The following NOC3L variants were observed in gnomAD, a reference collection of about 807,000 sequenced individuals.
NOC3L encodes nucleolar complex protein 3 homolog.
Under a neutral mutation model 102.5 loss-of-function variants are expected in NOC3L, and 85 were observed. The observed-to-expected ratio is 0.83, with a 90% confidence interval of 0.70 to 0.99. The LOEUF (loss-of-function observed/expected upper bound fraction) is 0.99. Ranked by LOEUF, NOC3L falls within the 50% of genes least tolerant of loss-of-function variation. The probability of loss-of-function intolerance (pLI) is 0.00; values close to 1 mark genes in which losing one functional copy is unlikely to be tolerated. For missense variants in NOC3L, 878 were observed against 914.9 expected (o/e 0.96, Z 0.52); for synonymous variants, 303 against 309.4 (o/e 0.98, Z 0.22).
intron 11 of NOC3L, among the ~76,000 whole-genome samples, chr10:94,346,006 T>C (rs547763616): frequency 1.1e-4 from 16 of 152,300 alleles, no homozygotes; most frequent in African/African-American, 3.8e-4. Context: ...TTCCAAAGTT[T>C]CAGTAAATAA....
At chr10:94,318,442 CCCTCAA>C in the NOC3L span, among the ~76,000 whole-genome samples, 1 of 152,162 alleles carries the variant, frequency 6.6e-6, no homozygotes, top group Non-Finnish European at 1.5e-5. Flanking sequence ...GCGTTGAAAG[CCCTCAA>C]ACACTATGTT....
the NOC3L span, among the ~76,000 whole-genome samples, chr10:94,323,525 G>C: frequency 6.6e-6 from 1 of 152,176 alleles, no homozygotes; most frequent in Non-Finnish European, 1.5e-5. Context: ...GTTGGCTCCA[G>C]CAAAACACTA....
intron 12 of NOC3L, 115 bp from the exon 13 acceptor site, chr10:94,344,630 A>C (rs1332665502): frequency 2.1e-5 from 15 of 729,328 alleles, no homozygotes; most frequent in Middle Eastern, 3.3e-4. Context: ...CCTCCCCACA[A>C]TGCAATCTTT....
chr10:94,351,388 A>G (rs1037537863), intron 8 of NOC3L, among the ~76,000 whole-genome samples: 1 of 152,196 alleles, frequency 6.6e-6, no homozygotes, highest in African/African-American at 2.4e-5. Context: ...CCTAGGCAAC[A>G]ACTGTCTTCC....
chr10:94,327,927 AT>A, the NOC3L span: 1 of 518,750 alleles, frequency 1.9e-6, no homozygotes, highest in Non-Finnish European at 4.0e-6. Context: ...CTGTTTCTTC[AT>A]TTTCAGTATA....
At chr10:94,321,748 A>G in the NOC3L span, among the ~76,000 whole-genome samples, 1 of 152,212 alleles carries the variant, frequency 6.6e-6, no homozygotes, top group South Asian at 2.1e-4. Flanking sequence ...ATATCCTTTT[A>G]GAACAGTTTA....
chr10:94,325,888 C>A, the NOC3L span, among the ~76,000 whole-genome samples: 2 of 151,938 alleles, frequency 1.3e-5, no homozygotes, highest in African/African-American at 4.8e-5. Context: ...TCTCCTTCTG[C>A]CTCAATTAAA....
At chr10:94,346,342 G>T (rs574593499) in intron 11 of NOC3L, 83 bp downstream of exon 11, 1 of 1,050,570 alleles carries the variant, frequency 9.5e-7, no homozygotes, top group Non-Finnish European at 1.3e-6. Flanking sequence ...ATTTAACTAT[G>T]ATTTTTACAT....
intron 14 of NOC3L, among the ~76,000 whole-genome samples, chr10:94,340,887 A>G (rs931211039): frequency 2.0e-5 from 3 of 151,624 alleles, no homozygotes; most frequent in African/African-American, 7.3e-5. Context: ...AGGCTGAGGC[A>G]GGAGAATGGT....
chr10:94,319,864 C>CTTTTTTTTTTTTTTTTTTTTTTTTT, the NOC3L span, among the ~76,000 whole-genome samples: 6 of 92,938 alleles, frequency 6.5e-5, no homozygotes, highest in African/African-American at 1.1e-4. Flanking sequence ...CAAAGGTGCT[C>CTTTTTTTTTTTTTTTTTTTTTTTTT]TTTTTTTTTT....
chr10:94,336,762 C>A (rs2054223195), intron 19 of NOC3L, among the ~76,000 whole-genome samples: 1 of 151,620 alleles, frequency 6.6e-6, no homozygotes, highest in African/African-American at 2.4e-5. Flanking sequence ...TATTTCCTGT[C>A]TGTATTTAAA....
the NOC3L span, chr10:94,325,450 C>A: frequency 7.4e-6 from 2 of 268,704 alleles, no homozygotes; most frequent in Non-Finnish European, 1.4e-5. Context: ...ACAAAATTAG[C>A]TGGGCATGGT....
At chr10:94,356,664 G>GC in intron 4 of NOC3L, 73 bp from the exon 5 acceptor site, 1 of 896,204 alleles carries the variant, frequency 1.1e-6, no homozygotes, top group South Asian at 1.4e-5. Context: ...AATGCTAGGA[G>GC]GTGATTACGA....
At chr10:94,319,862 C>CTT in the NOC3L span, among the ~76,000 whole-genome samples, 2 of 86,198 alleles carry the variant, frequency 2.3e-5, no homozygotes, top group Non-Finnish European at 5.2e-5. Flanking sequence ...CTCAAAGGTG[C>CTT]TCTTTTTTTT....
In NOC3L at chr10:94,336,027, T is replaced by C. The variant is rs183573833; in HGVS notation, c.2190-1309A>G. The stretch of plus-strand genomic sequence containing the variant: ...ATTTATGCCTACTAGTGTTCCATTA[T>C]CAGAACACTAAGCTTGTAGGAGTTA... On this transcript the variant is annotated intron_variant, in intron 19 of 20. Coordinates refer to ENST00000371361, the MANE Select transcript of NOC3L (RefSeq NM_022451.11). Among the ~76,000 whole-genome samples, 584 of 152,288 alleles carry C rather than the reference T, an allele frequency of 3.8e-3. 2 individuals are homozygous for C. Among genetic ancestry groups the C allele is most frequent in the African/African-American group, 0.013 (555 of 41,568 alleles).
chr10:94,334,256 A>G lies in NOC3L; in HGVS notation c.2324T>C (p.Leu775Pro). ...DSFLNEDLNQ[L>P]IKRYSSEVAT... ...AACTTCACTGGAGTATCTTTTGATTAGCTGATTTAAATCTTCATTCAAAAA... is the reference window on the plus strand; with the variant it reads ...AACTTCACTGGAGTATCTTTTGATTGGCTGATTTAAATCTTCATTCAAAAA... The change falls in exon 21 of 21, where the codon CTA becomes CCA. Residue 775 changes from leucine (L) to proline (P), a missense_variant. Coordinates refer to ENST00000371361, the MANE Select transcript of NOC3L (RefSeq NM_022451.11). 1.2e-6 allele frequency: 2 copies of G among 1,611,246 alleles called. No homozygotes were observed. Among genetic ancestry groups the G allele is most frequent in the Non-Finnish European group, 8.5e-7 (1 of 1,178,398 alleles).
intron 2 of NOC3L, among the ~76,000 whole-genome samples, chr10:94,360,704 T>C (rs2054542806): frequency 1.3e-5 from 2 of 152,190 alleles, no homozygotes; most frequent in Admixed American, 6.5e-5. Flanking sequence ...AAAGTATAAC[T>C]GGATTGTTCG....
chr10:94,334,368 G>C, intron 20 of NOC3L, 63 bp from the exon 21 acceptor site: 1 of 1,046,204 alleles, frequency 9.6e-7, no homozygotes, highest in African/African-American at 1.6e-5. Context: ...GCCAACCTGT[G>C]AACCAAGTTG....
chr10:94,342,474 C>G (rs1279954247), intron 13 of NOC3L, among the ~76,000 whole-genome samples: 7 of 151,684 alleles, frequency 4.6e-5, no homozygotes, highest in African/African-American at 1.5e-4. Context: ...TTTGGAGAAG[C>G]AATCTGACAA....
Sources: gnomAD v4.1 joint callset for allele counts (sites outside exome capture counted in the v4.1 genomes callset) on GRCh38, gnomAD v4.1.1 for gene constraint, MANE v1.5 for transcripts, NCBI Gene and HGNC (gene_info 2026-07-23, HGNC 2026-07-21) for gene names.